The following SATB1 variants were observed in gnomAD, a reference collection of about 807,000 sequenced individuals.
SATB1 encodes SATB homeobox 1.
In SATB1, 11 loss-of-function variants were observed where a neutral mutation model predicts 86.9. The ratio of observed to expected loss-of-function variants is 0.13; its 90% CI spans 0.08 to 0.21. The LOEUF (loss-of-function observed/expected upper bound fraction) is 0.21. Ranked by LOEUF, SATB1 falls within the 10% of genes least tolerant of loss-of-function variation. The probability of loss-of-function intolerance (pLI) is 1.00; values close to 1 mark genes in which losing one functional copy is unlikely to be tolerated. For missense variants in SATB1, 551 were observed against 937.6 expected (o/e 0.59, Z 5.39); for synonymous variants, 357 against 357.2 (o/e 1.00, Z 0.01).
At chr3:18,364,791 A>G (rs1046376874) in intron 9 of SATB1, among the ~76,000 whole-genome samples, 3 of 152,230 alleles carry the variant, frequency 2.0e-5, no homozygotes, top group Non-Finnish European at 2.9e-5. Context: ...TATCTCCTAT[A>G]AGTTCTTAAC....
rs1330357760 is a variant in SATB1, at chr3:18,345,942, CTGAGAA to C, written c.*3222_*3227del. On this transcript the variant is annotated 3_prime_UTR_variant, in exon 11 of 11. Transcript: ENST00000338745. The stretch of plus-strand genomic sequence containing the variant: ...TCATTTTTACTCAATCTTGAATCAT[CTGAGAA>C]TGTTTTCTATTCAAGCCAGTATTTT... 1 of 152,050 alleles carries C rather than the reference CTGAGAA, an allele frequency of 6.6e-6. No homozygotes were observed. The highest frequency in any genetic ancestry group is 1.9e-4 in the East Asian group (1 of 5,200). 9.4% of individuals were successfully genotyped at this position (152,050 alleles called of 1,614,324 possible).
intron 9 of SATB1, among the ~76,000 whole-genome samples, chr3:18,374,249 G>C (rs969911491): frequency 6.6e-6 from 1 of 152,122 alleles, no homozygotes; most frequent in Non-Finnish European, 1.5e-5. Context: ...TCCAACATCT[G>C]CCACCATTAA....
chr3:18,443,579 T>G (rs1288005561), upstream of SATB1, among the ~76,000 whole-genome samples: 1 of 152,198 alleles, frequency 6.6e-6, no homozygotes, highest in Non-Finnish European at 1.5e-5. This position sits in a 1 kb window ranked among gnomAD's most constrained non-coding sequence, Gnocchi z 4.4. Flanking sequence ...CCTATGCCCC[T>G]TTCCCCTGTT....
intron 1 of SATB1, among the ~76,000 whole-genome samples, chr3:18,438,182 T>G (rs1344992539): frequency 1.3e-5 from 2 of 152,184 alleles, no homozygotes; most frequent in Non-Finnish European, 2.9e-5. Flanking sequence ...CAAATTGTCA[T>G]TTACATGCTC....
In SATB1 at chr3:18,348,634, A is replaced by G. The variant is rs1278150811; in HGVS notation, c.*536T>C. Reference sequence around the variant, plus strand: ...AACAAATTTGAATTACGGCAGTGCCATATAATACAAGGCATTTGTTGGCAT... The same window carrying G: ...AACAAATTTGAATTACGGCAGTGCCGTATAATACAAGGCATTTGTTGGCAT... On this transcript the variant is annotated 3_prime_UTR_variant, in exon 11 of 11. Transcript: ENST00000338745. 6.5e-6 allele frequency: 1 copy of G among 152,732 alleles called. No individual in the cohort carries two copies. Among genetic ancestry groups the G allele is most frequent in the African/African-American group, 2.4e-5 (1 of 41,456 alleles). 9.5% of individuals were successfully genotyped at this position (152,732 alleles called of 1,614,324 possible). A position where few individuals can be genotyped will look rare whatever the true frequency, so the allele number is the denominator to read the frequency against.
upstream of SATB1, among the ~76,000 whole-genome samples, chr3:18,428,592 A>T (rs1698787061): frequency 3.9e-5 from 6 of 152,220 alleles, no homozygotes; most frequent in Admixed American, 3.9e-4. Context: ...GATGCATGCA[A>T]GTATTGAAGA....
In SATB1 at chr3:18,394,507, T is replaced by A; in HGVS notation, c.1161A>T (p.Gly387=). ...QWVRDELKRA[G]ISQAVFARVA... ...CACGTGCAAATACCGCCTGGGAGAT[T>A]CCTGCTCGTTTCAGTTCATCGCGTA... The change falls in exon 7 of 11, where the codon GGA becomes GGT. Residue 387 remains glycine (G), a synonymous_variant. Transcript: ENST00000338745. The surrounding 1 kb of genome is among the most constrained non-coding windows in gnomAD (Gnocchi z 5.9). The A allele has an allele frequency of 6.2e-7, 1 of 1,614,194 alleles. No individual in the cohort carries two copies. Among genetic ancestry groups the A allele is most frequent in the Non-Finnish European group, 8.5e-7 (1 of 1,180,046 alleles).
chr3:18,439,446 AT>A (rs1276767981), upstream of SATB1, among the ~76,000 whole-genome samples: 4 of 152,236 alleles, frequency 2.6e-5, no homozygotes, highest in African/African-American at 7.2e-5. Flanking sequence ...ACTTAAAAAA[AT>A]AAACAGCAAA....
chr3:18,426,224 TAGAA>T (rs1229042742), upstream of SATB1, among the ~76,000 whole-genome samples: 1 of 152,168 alleles, frequency 6.6e-6, no homozygotes, highest in African/African-American at 2.4e-5. This position sits in a 1 kb window ranked among gnomAD's most constrained non-coding sequence, Gnocchi z 4.2. Context: ...GAGCCAACAT[TAGAA>T]AGAACTGAGT....
At chr3:18,350,333 C>G (rs1694288081) in intron 10 of SATB1, 1 of 152,372 alleles carries the variant, frequency 6.6e-6, no homozygotes, top group African/African-American at 2.4e-5. Context: ...TCAAAAGGTT[C>G]AATCCACCAT....
chr3:18,444,800 C>T lies in SATB1; in HGVS notation c.-25+718G>A. The T allele has an allele frequency of 3.6e-6, 1 of 280,834 alleles. No individual in the cohort carries two copies. The highest frequency in any genetic ancestry group is 2.3e-5 in the African/African-American group (1 of 43,350). 17.4% of individuals were successfully genotyped at this position (280,834 alleles called of 1,614,324 possible). A position where few individuals can be genotyped will look rare whatever the true frequency, so the allele number is the denominator to read the frequency against. On this transcript the variant is annotated intron_variant, in intron 1 of 3. Transcript: ENST00000415069. The surrounding 1 kb of genome is among the most constrained non-coding windows in gnomAD (Gnocchi z 5.1). ...TTGACTTCAAGTTGTCCTCTTTCCCCATACGAAGTGGGCGTTTAAAGGGGA... is the reference window on the plus strand; with the variant it reads ...TTGACTTCAAGTTGTCCTCTTTCCCTATACGAAGTGGGCGTTTAAAGGGGA...
chr3:18,355,047 T>C (rs758041612), intron 9 of SATB1, among the ~76,000 whole-genome samples: 22 of 152,148 alleles, frequency 1.4e-4, no homozygotes, highest in Non-Finnish European at 2.5e-4. Flanking sequence ...ATGTCTCCGC[T>C]AGCCTTTCAA....
Position 18,420,742 on chromosome 3 carries a change from C to T in SATB1, c.211+15G>A, listed in dbSNP as rs374720457. On this transcript the variant is annotated intron_variant, in intron 2 of 10. Transcript: ENST00000338745. ...GGGCTTTCAGCTTTTCAAGATTTGG[C>T]TTGAAGGTATTTACCTTTCCTAAGG... 41 of 1,609,562 alleles carry T rather than the reference C, an allele frequency of 2.5e-5. No homozygotes were observed. The African/African-American group carries it at 4.8e-4, about 19-fold the overall frequency.
At chr3:18,388,527 C>T (rs1575125657) in intron 7 of SATB1, among the ~76,000 whole-genome samples, 1 of 152,214 alleles carries the variant, frequency 6.6e-6, no homozygotes, top group South Asian at 2.1e-4. Flanking sequence ...CTTTCATCAT[C>T]CCAGCACAAT....
chr3:18,357,818 T>C (rs1408922011), intron 9 of SATB1, among the ~76,000 whole-genome samples: 1 of 151,906 alleles, frequency 6.6e-6, no homozygotes, highest in African/African-American at 2.4e-5. Context: ...ACACTGTGCC[T>C]CAAAGGTACT....
At chr3:18,358,166 A>G (rs1267730728) in intron 9 of SATB1, among the ~76,000 whole-genome samples, 1 of 152,012 alleles carries the variant, frequency 6.6e-6, no homozygotes, top group East Asian at 1.9e-4. Flanking sequence ...AAAGGCATTA[A>G]AGTTGAGGGC....
At position 18,394,819 on chromosome 3, in the gene SATB1, T is replaced by C. The variant is rs749609927; in HGVS notation, c.849A>G (p.Pro283=). Residue 283 remains proline (P), a synonymous_variant, in exon 7 of 11, where the codon CCA becomes CCG. Transcript: ENST00000338745. The surrounding 1 kb of genome is among the most constrained non-coding windows in gnomAD (Gnocchi z 5.9). ...PVPGNTAEQP[P]SPAQLSHGSQ... The stretch of plus-strand genomic sequence containing the variant: ...TGCCATGGGAGAGCTGCGCAGGGGA[T>C]GGAGGCTGCTCGGCTGTGTTCCCTG... 4.3e-6 allele frequency: 7 copies of C among 1,613,978 alleles called. No homozygotes were observed. Among genetic ancestry groups the C allele is most frequent in the African/African-American group, 2.7e-5 (2 of 74,908 alleles).
chr3:18,349,720 C>A lies in SATB1; in HGVS notation c.1780-38G>T, dbSNP rs557822692. 3 of 1,551,542 alleles carry A rather than the reference C, an allele frequency of 1.9e-6. No homozygotes were observed. The highest frequency in any genetic ancestry group is 1.2e-5 in the South Asian group (1 of 84,966). On this transcript the variant is annotated intron_variant, in intron 10 of 10. Coordinates refer to ENST00000338745, the MANE Select transcript of SATB1 (RefSeq NM_002971.6). The surrounding 1 kb of genome is among the most constrained non-coding windows in gnomAD (Gnocchi z 5.5). ...AAGGAGACAATCAGAGCTCTGCTAT[C>A]GTGGAGTTCCACACAAAGCCGTCTC...
chr3:18,360,421 T>C (rs1245179551), intron 9 of SATB1, among the ~76,000 whole-genome samples: 2 of 152,084 alleles, frequency 1.3e-5, no homozygotes, highest in African/African-American at 2.4e-5. Context: ...ATGACACTGA[T>C]GTCCAAATCT....
Sources: allele counts gnomAD v4.1 joint callset (sites outside exome capture counted in the v4.1 genomes callset), GRCh38; gene constraint gnomAD v4.1.1; non-coding constraint Gnocchi (gnomAD v3.1); transcripts MANE v1.5; gene names NCBI Gene and HGNC (gene_info 2026-07-23, HGNC 2026-07-21).